Variants in HAPLN1 observed in about 807,000 individuals in gnomAD.
HAPLN1 encodes hyaluronan and proteoglycan link protein 1, also known as Cartilage link protein.
A neutral mutation model predicts 36.5 loss-of-function variants in HAPLN1; 13 were observed. The ratio of observed to expected loss-of-function variants is 0.36; its 90% confidence interval spans 0.23 to 0.57. The LOEUF is 0.57. Ranked by LOEUF, HAPLN1 falls within the 20% of genes least tolerant of loss-of-function variation. HAPLN1 has a pLI of 0.83. For synonymous variants in HAPLN1, 202 were observed against 169.8 expected (o/e 1.19, Z -1.48); for missense variants, 407 against 439.7 (o/e 0.93, Z 0.66).
chr5:83,693,698 A>G (rs1251595426), intron 1 of HAPLN1, among the ~76,000 whole-genome samples: 2 of 151,910 alleles, frequency 1.3e-5, no homozygotes, highest in Non-Finnish European at 2.9e-5. Flanking sequence ...ATCAGACAAA[A>G]TAGATTTCAG....
At chr5:83,663,500 C>T (rs1396242935) in intron 2 of HAPLN1, among the ~76,000 whole-genome samples, 1 of 152,068 alleles carries the variant, frequency 6.6e-6, no homozygotes, top group Non-Finnish European at 1.5e-5. Flanking sequence ...TCATCTGGTC[C>T]CATAGTTATA....
intron 2 of HAPLN1, among the ~76,000 whole-genome samples, chr5:83,664,921 C>T (rs1249846872): frequency 6.6e-6 from 1 of 152,098 alleles, no homozygotes; most frequent in Non-Finnish European, 1.5e-5. Context: ...CATTATCTAT[C>T]TAATCAGCTT....
intron 2 of HAPLN1, among the ~76,000 whole-genome samples, chr5:83,660,900 G>T (rs1750366159): frequency 6.6e-6 from 1 of 152,116 alleles, no homozygotes; most frequent in Admixed American, 6.5e-5. Flanking sequence ...TTAGCTTGGT[G>T]CCTGGCCTAT....
rs1262365578 is a variant in HAPLN1 at position 83,644,573 on chromosome 5, C to T, written c.565G>A (p.Ala189Thr). 32 of 1,594,510 alleles carry T rather than the reference C, an allele frequency of 2.0e-5. No individual in the cohort carries two copies. The highest frequency in any genetic ancestry group is 1.7e-4 in the Middle Eastern group (1 of 5,962). The change falls in exon 4 of 5, where the codon GCC becomes ACC. Residue 189 changes from alanine (A) to threonine (T), a missense_variant. Coordinates refer to ENST00000274341, the MANE Select transcript of HAPLN1 (RefSeq NM_001884.4). ...QACLDQDAVI[A>T]SFDQLYDAWR... ...GCGTCGTACAGCTGGTCGAAGGAGG[C>T]GATCACAGCATCCTGGTCCAGACAC...
At chr5:83,664,012 T>G (rs544138488) in intron 2 of HAPLN1, among the ~76,000 whole-genome samples, 2 of 152,242 alleles carry the variant, frequency 1.3e-5, no homozygotes, top group African/African-American at 4.8e-5. Context: ...ACAAACCTTT[T>G]AAACATTTTC....
chr5:83,708,735 G>T (rs373281955), intron 1 of HAPLN1, among the ~76,000 whole-genome samples: 13 of 152,170 alleles, frequency 8.5e-5, no homozygotes, highest in African/African-American at 3.1e-4. Flanking sequence ...TTCTAAATTA[G>T]AATAAGTATT....
chr5:83,685,784 C>T (rs1751104692), intron 1 of HAPLN1: 1 of 152,088 alleles, frequency 6.6e-6, no homozygotes, highest in African/African-American at 2.4e-5. Context: ...ACTAAGGGAA[C>T]TCAGTTACTC....
intron 1 of HAPLN1, among the ~76,000 whole-genome samples, chr5:83,693,101 A>C (rs1052406289): frequency 1.3e-5 from 2 of 151,886 alleles, no homozygotes; most frequent in African/African-American, 2.4e-5. Flanking sequence ...AATTATAACA[A>C]TATACTGTCA....
rs1465760913 is a variant in HAPLN1, at chr5:83,673,612, C to A, written c.-26-63G>T. 9.1e-6 allele frequency: 8 copies of A among 881,956 alleles called. No individual in the cohort carries two copies. The South Asian group carries it at 1.1e-4, about 12-fold the overall frequency. The allele number at this position is 881,956 out of a possible 1,614,324, so 54.6% of individuals were successfully genotyped here. On this transcript the variant is annotated intron_variant, in intron 1 of 4. Transcript: ENST00000274341. ...TGGAACCCTTTGGAGTGTTGCACTG[C>A]ACAACTTATTACCGCCTTATCATCA...
At chr5:83,702,747 CTT>C (rs35100692) in intron 1 of HAPLN1, among the ~76,000 whole-genome samples, 4 of 150,378 alleles carry the variant, frequency 2.7e-5, no homozygotes, top group African/African-American at 7.4e-5. Flanking sequence ...AACAGTTTTC[CTT>C]TTTTTTTTGA....
chr5:83,695,601 T>C (rs1414665940), intron 1 of HAPLN1, among the ~76,000 whole-genome samples: 1 of 145,594 alleles, frequency 6.9e-6, no homozygotes, highest in Non-Finnish European at 1.5e-5. Flanking sequence ...TATATATCTA[T>C]ATAGATATCT....
rs1749672278 is a variant in HAPLN1 at position 83,641,028 on chromosome 5, T to C, written c.*468A>G. 6.6e-6 allele frequency: 1 copy of C among 152,330 alleles called. No homozygotes were observed. Among genetic ancestry groups the C allele is most frequent in the Non-Finnish European group, 1.5e-5 (1 of 67,988 alleles). 9.4% of individuals were successfully genotyped at this position (152,330 alleles called of 1,614,324 possible). A position where few individuals can be genotyped will look rare whatever the true frequency, so the allele number is the denominator to read the frequency against. ...TAGATTGTTCCCTTGTGAAACTGAGTTTTGTATAACCTCTCAGTTTATGTA... is the reference window on the plus strand; with the variant it reads ...TAGATTGTTCCCTTGTGAAACTGAGCTTTGTATAACCTCTCAGTTTATGTA... On this transcript the variant is annotated 3_prime_UTR_variant, in exon 5 of 5. Coordinates refer to ENST00000274341, the MANE Select transcript of HAPLN1 (RefSeq NM_001884.4).
At chr5:83,706,701 A>T (rs1168523200) in intron 1 of HAPLN1, among the ~76,000 whole-genome samples, 2 of 152,204 alleles carry the variant, frequency 1.3e-5, no homozygotes, top group African/African-American at 4.8e-5. Context: ...CACCACTTTT[A>T]TTTAACATAG....
chr5:83,690,082 A>G (rs1427021575), intron 1 of HAPLN1, among the ~76,000 whole-genome samples: 1 of 152,000 alleles, frequency 6.6e-6, no homozygotes, highest in Non-Finnish European at 1.5e-5. Flanking sequence ...TGAGGAGGCA[A>G]TCTTCAGTTT....
chr5:83,688,060 TG>T, intron 1 of HAPLN1, among the ~76,000 whole-genome samples: 1 of 152,294 alleles, frequency 6.6e-6, no homozygotes, highest in Non-Finnish European at 1.5e-5. Context: ...TAGAACACTC[TG>T]GTATCCAGGA....
intron 2 of HAPLN1, among the ~76,000 whole-genome samples, chr5:83,660,926 G>C (rs1750366993): frequency 6.6e-6 from 1 of 152,108 alleles, no homozygotes; most frequent in South Asian, 2.1e-4. Flanking sequence ...GTGCCCAGCT[G>C]GTGTAGACTC....
intron 2 of HAPLN1, 88 bp downstream of exon 2, chr5:83,673,336 C>G (rs902658203): frequency 1.1e-6 from 1 of 897,782 alleles, no homozygotes; most frequent in African/African-American, 1.7e-5. Context: ...TGCAGCAGAA[C>G]TAAAATTAAG....
chr5:83,712,656 G>A (rs974769213), intron 1 of HAPLN1, among the ~76,000 whole-genome samples: 5 of 151,928 alleles, frequency 3.3e-5, no homozygotes, highest in African/African-American at 1.2e-4. Flanking sequence ...AAAAAATTTT[G>A]TTGGCATATT....
chr5:83,669,843 G>A (rs888892455), intron 2 of HAPLN1, among the ~76,000 whole-genome samples: 2 of 152,236 alleles, frequency 1.3e-5, no homozygotes, highest in Non-Finnish European at 2.9e-5. Context: ...TATTGAATAA[G>A]CAGGCATTAG....
Sources: allele counts gnomAD v4.1 joint callset (sites outside exome capture counted in the v4.1 genomes callset), GRCh38; gene constraint gnomAD v4.1.1; transcripts MANE v1.5; gene names NCBI Gene and HGNC (gene_info 2026-07-23, HGNC 2026-07-21).